Variants in DNAH7 observed in about 807,000 individuals in gnomAD.
DNAH7 encodes dynein axonemal heavy chain 7, also known as axonemal beta dynein heavy chain 7.
Under a neutral mutation model 444.6 loss-of-function variants are expected in DNAH7, and 397 were observed. The observed-to-expected ratio is 0.89, with a 90% CI of 0.82 to 0.97. The LOEUF is 0.97. Among genes scored for constraint, DNAH7 ranks in the 50% least tolerant of loss-of-function variants. DNAH7 has a pLI of 0.00. For synonymous variants in DNAH7, 1,636 were observed against 1,624.4 expected (o/e 1.01, Z -0.17); for missense variants, 4,902 against 4,800.8 (o/e 1.02, Z -0.62).
rs536495776 is a variant in DNAH7, at chr2:195,849,246, C to G, written c.8782-4081G>C. Among the ~76,000 whole-genome samples the G allele has an allele frequency of 3.3e-5, 5 of 152,298 alleles. No homozygotes were observed. In the South Asian group the frequency reaches 1.0e-3, roughly 32 times the overall value. On this transcript the variant is annotated intron_variant, in intron 46 of 64. Transcript: ENST00000312428. ...ACATGGCCCCATCTTTCTCTGGGTA[C>G]TTCCTTACTCTTGCTCAAAAAAGAC...
intron 55 of DNAH7, among the ~76,000 whole-genome samples, chr2:195,798,908 G>GC (rs959568381): frequency 6.6e-6 from 1 of 151,974 alleles, no homozygotes; most frequent in Non-Finnish European, 1.5e-5. Context: ...GTCAATGAAG[G>GC]CCCCCCGTTA....
At chr2:195,910,806 G>GAGAGACAAAGAAGAGTCAATTATGGA (rs1687313115) in intron 24 of DNAH7, among the ~76,000 whole-genome samples, 1 of 152,160 alleles carries the variant, frequency 6.6e-6, no homozygotes, top group African/African-American at 2.4e-5. Flanking sequence ...ACCTACTGGA[G>GAGAGACAAAGAAGAGTCAATTATGGA]AGAGACAAAG....
chr2:195,785,753 T>C (rs1446795548), intron 58 of DNAH7, among the ~76,000 whole-genome samples: 1 of 152,156 alleles, frequency 6.6e-6, no homozygotes, highest in Non-Finnish European at 1.5e-5. Flanking sequence ...TGCATACTTT[T>C]AACTGACTCT....
At chr2:195,990,045 C>T (rs942024802) in intron 12 of DNAH7, among the ~76,000 whole-genome samples, 9 of 152,132 alleles carry the variant, frequency 5.9e-5, no homozygotes, top group African/African-American at 2.2e-4. Flanking sequence ...GCTCTTTATT[C>T]ACTGCCTCCT....
chr2:195,868,609 C>A (rs1014571621), intron 40 of DNAH7, among the ~76,000 whole-genome samples: 2 of 148,814 alleles, frequency 1.3e-5, no homozygotes, highest in African/African-American at 5.0e-5. Context: ...AGATACTTAA[C>A]AGTTTATATG....
intron 17 of DNAH7, among the ~76,000 whole-genome samples, chr2:195,969,008 G>A (rs1025074699): frequency 7.2e-5 from 11 of 152,250 alleles, no homozygotes; most frequent in African/African-American, 1.9e-4. Context: ...TGGGGAATGC[G>A]GAGGGGCAGC....
chr2:195,838,575 C>A (rs998269216), intron 47 of DNAH7, among the ~76,000 whole-genome samples: 4 of 151,816 alleles, frequency 2.6e-5, no homozygotes, highest in Non-Finnish European at 5.9e-5. Flanking sequence ...ACAGAGATAA[C>A]AGAAGAGTCA....
intron 12 of DNAH7, 34 bp downstream of exon 12, chr2:196,000,670 A>G: frequency 7.0e-7 from 1 of 1,435,004 alleles, no homozygotes; most frequent in Non-Finnish European, 9.2e-7. Context: ...GTCATTATGC[A>G]AATTCAAGCA....
At chr2:195,846,319 G>A (rs377541367) in intron 46 of DNAH7, among the ~76,000 whole-genome samples, 6 of 152,030 alleles carry the variant, frequency 3.9e-5, no homozygotes, top group Middle Eastern at 3.2e-3. Context: ...ATACCATCTC[G>A]CACCAATCAG....
intron 45 of DNAH7, 47 bp from the exon 46 acceptor site, chr2:195,853,575 G>T: frequency 2.0e-6 from 3 of 1,524,580 alleles, no homozygotes; most frequent in South Asian, 1.3e-5. Flanking sequence ...AGTATAAGAA[G>T]TTTAAAATTC....
rs201998639 is a variant in DNAH7 at position 195,822,421 on chromosome 2, GT to G, written c.9291+1833del. Among the ~76,000 whole-genome samples, 918 of 152,202 alleles carry G rather than the reference GT, an allele frequency of 6.0e-3. 2 individuals are homozygous for G. Among genetic ancestry groups the G allele is most frequent in the Non-Finnish European group, 0.011 (719 of 68,000 alleles). ...TAAACATTTAAGAACATAAACTATG[GT>G]TTCATAATTTTATTTTCATTTAGAC... On this transcript the variant is annotated intron_variant, in intron 49 of 64. Coordinates refer to ENST00000312428, the MANE Select transcript of DNAH7 (RefSeq NM_018897.3).
At chr2:195,825,995 GATT>G (rs1697725622) in intron 48 of DNAH7, among the ~76,000 whole-genome samples, 1 of 152,114 alleles carries the variant, frequency 6.6e-6, no homozygotes, top group Non-Finnish European at 1.5e-5. Flanking sequence ...TGCATAAAAT[GATT>G]ATTTTTCATG....
rs984123964 is a variant in DNAH7 at position 195,796,574 on chromosome 2, A to G, written c.10515+2T>C. ...CTAATAAGTATAAACTTGCATTTTT[A>G]CCTCACAGACTTTCTCAAGGGTTGG... is the stretch of plus-strand genomic sequence containing the variant. On this transcript the variant is annotated splice_donor_variant, in intron 56 of 64. Transcript: ENST00000312428. LOFTEE classifies it high-confidence loss of function. 6 of 1,614,010 alleles carry G rather than the reference A, an allele frequency of 3.7e-6. No individual in the cohort carries two copies. Among genetic ancestry groups the G allele is most frequent in the Non-Finnish European group, 5.1e-6 (6 of 1,179,938 alleles).
At chr2:195,897,452 G>C (rs183462223) in intron 29 of DNAH7, among the ~76,000 whole-genome samples, 1 of 152,204 alleles carries the variant, frequency 6.6e-6, no homozygotes, top group East Asian at 1.9e-4. Flanking sequence ...ATTTTCTGCA[G>C]TAACAAACTT....
intron 15 of DNAH7, among the ~76,000 whole-genome samples, chr2:195,982,053 G>T (rs76814254): frequency 6.6e-6 from 1 of 152,164 alleles, no homozygotes; most frequent in South Asian, 2.1e-4. Flanking sequence ...GAAAATATTT[G>T]CAAACTACCC....
At chr2:195,932,617 T>C (rs1039706931) in intron 21 of DNAH7, among the ~76,000 whole-genome samples, 16 of 152,076 alleles carry the variant, frequency 1.1e-4, no homozygotes, top group African/African-American at 3.9e-4. Flanking sequence ...TATTGAGAGT[T>C]TTTAGAATGA....
At chr2:195,792,288 A>G (rs569940298) in intron 57 of DNAH7, among the ~76,000 whole-genome samples, 1 of 151,938 alleles carries the variant, frequency 6.6e-6, no homozygotes, top group South Asian at 2.1e-4. Context: ...TGACAGGATC[A>G]TTCATATCCC....
At chr2:195,947,165 T>A (rs895413754) in intron 19 of DNAH7, among the ~76,000 whole-genome samples, 1 of 148,742 alleles carries the variant, frequency 6.7e-6, no homozygotes, top group African/African-American at 2.4e-5. Flanking sequence ...TTTTTATATA[T>A]ATAGTATTTT....
At chr2:196,016,308 A>G (rs1695018084) in intron 9 of DNAH7, among the ~76,000 whole-genome samples, 1 of 152,196 alleles carries the variant, frequency 6.6e-6, no homozygotes, top group Non-Finnish European at 1.5e-5. Flanking sequence ...TAATTTGTGA[A>G]AGTAATATAC....
Sources: allele counts gnomAD v4.1 joint callset (sites outside exome capture counted in the v4.1 genomes callset), GRCh38; gene constraint gnomAD v4.1.1; transcripts MANE v1.5; gene names NCBI Gene and HGNC (gene_info 2026-07-23, HGNC 2026-07-21).